Variants in RCAN2 observed in about 807,000 individuals in gnomAD.
The protein encoded by RCAN2 is regulator of calcineurin 2, also known as calcipressin-2.
Under a neutral mutation model 23.6 loss-of-function variants are expected in RCAN2, and 9 were observed. That is an observed-to-expected ratio of 0.38 (90% CI 0.23 to 0.67). The LOEUF (loss-of-function observed/expected upper bound fraction) is 0.67, where lower values mean the gene tolerates loss of function less well. RCAN2 is among the 30% of genes least tolerant of loss of function. The pLI, the probability that RCAN2 is intolerant of heterozygous loss-of-function variation, is 0.51. For synonymous variants in RCAN2, 109 were observed against 115.7 expected (o/e 0.94, Z 0.37); for missense variants, 273 against 302.3 (o/e 0.90, Z 0.72).
At chr6:46,419,425 C>A (rs1766807496) in intron 2 of RCAN2, among the ~76,000 whole-genome samples, 1 of 152,108 alleles carries the variant, frequency 6.6e-6, no homozygotes, top group Admixed American at 6.6e-5. Flanking sequence ...ACACAGAGTA[C>A]CGGAGTTTGG....
intron 1 of RCAN2, among the ~76,000 whole-genome samples, chr6:46,487,863 G>A (rs908188113): frequency 1.3e-5 from 2 of 152,200 alleles, no homozygotes; most frequent in African/African-American, 4.8e-5. Flanking sequence ...AGACAGGTAC[G>A]ACCTTAACCC....
At chr6:46,292,854 T>C (rs1423475480) in intron 2 of RCAN2, among the ~76,000 whole-genome samples, 2 of 152,182 alleles carry the variant, frequency 1.3e-5, no homozygotes, top group Admixed American at 6.5e-5. Context: ...GTATTTCTCC[T>C]AACGCTATCC....
Position 46,246,056 on chromosome 6 carries a change from G to T in RCAN2, c.571+692C>A, listed in dbSNP as rs1030873370. Among the ~76,000 whole-genome samples, 3 of 152,212 alleles carry T rather than the reference G, an allele frequency of 2.0e-5. No individual in the cohort carries two copies. In the South Asian group the frequency reaches 6.2e-4, roughly 32 times the overall value. ...AGAAACTTTTGGACAAGTGCATAGA[G>T]ATGTACAAGAATGTTAACTGTTACT... On this transcript the variant is annotated intron_variant, in intron 4 of 4. Transcript: ENST00000371374.
chr6:46,388,578 G>A (rs1439280968), intron 2 of RCAN2, among the ~76,000 whole-genome samples: 2 of 152,268 alleles, frequency 1.3e-5, no homozygotes, highest in Middle Eastern at 3.4e-3. Context: ...ACTGGATAAA[G>A]AAAATGTGGT....
intron 2 of RCAN2, among the ~76,000 whole-genome samples, chr6:46,407,977 G>T (rs943079264): frequency 3.9e-5 from 6 of 152,156 alleles, no homozygotes; most frequent in African/African-American, 1.4e-4. Context: ...TTGTCCATCT[G>T]GAAAACAGCA....
At chr6:46,262,575 G>A (rs1767146179) in intron 2 of RCAN2, among the ~76,000 whole-genome samples, 1 of 93,134 alleles carries the variant, frequency 1.1e-5, no homozygotes, top group African/African-American at 4.3e-5. Flanking sequence ...TGGCAATATA[G>A]TGAGCCTCTG....
At chr6:46,336,640 G>A (rs1764154478) in intron 2 of RCAN2, among the ~76,000 whole-genome samples, 2 of 152,192 alleles carry the variant, frequency 1.3e-5, no homozygotes, top group Admixed American at 6.5e-5. Flanking sequence ...GCATAGCTGA[G>A]GACTTTGAGT....
At position 46,248,743 on chromosome 6, in the gene RCAN2, A is replaced by T; in HGVS notation, c.379T>A (p.Leu127Ile). The change falls in exon 3 of 5, where the codon TTA becomes ATA. Residue 127 changes from leucine to isoleucine, a missense_variant. Transcript: ENST00000371374. The stretch of plus-strand genomic sequence containing the variant: ...CTTACCTGTGCAAAGTAGAGCTTTA[A>T]TTTTTTCCCTCTGAATTGGGTTTCA... ...LHETQFRGKK[L>I]KLYFAQVQTP... 6.2e-7 allele frequency: 1 copy of T among 1,610,158 alleles called. No homozygotes were observed. The highest frequency in any genetic ancestry group is 1.7e-4 in the Middle Eastern group (1 of 6,032).
rs1000706214 is a variant in RCAN2, at chr6:46,310,385, A to C, written c.226-61489T>G. The stretch of plus-strand genomic sequence containing the variant: ...TATTTTACTTCCATGCACAAGAAAG[A>C]ATCTGAAGCTGGAATACCATCAGGA... On this transcript the variant is annotated intron_variant, in intron 2 of 4. Coordinates refer to ENST00000371374, the MANE Select transcript of RCAN2 (RefSeq NM_001251974.2). Among the ~76,000 whole-genome samples the C allele has an allele frequency of 3.3e-5, 5 of 152,162 alleles. No homozygotes were observed. The East Asian group carries it at 9.6e-4, about 29-fold the overall frequency.
In RCAN2 at chr6:46,307,138, T is replaced by G. The variant is rs150914273; in HGVS notation, c.226-58242A>C. On this transcript the variant is annotated intron_variant, in intron 2 of 4. Transcript: ENST00000371374. ...TATCTATGGAAACAGAATTTTAAATTCATCAATTAAATATTGAGCACTATG... is the reference window on the plus strand; with the variant it reads ...TATCTATGGAAACAGAATTTTAAATGCATCAATTAAATATTGAGCACTATG... Among the ~76,000 whole-genome samples, 1,018 of 152,166 alleles carry G rather than the reference T, an allele frequency of 6.7e-3. 10 individuals carry two copies. Among genetic ancestry groups the G allele is most frequent in the African/African-American group, 0.024 (986 of 41,536 alleles).
chr6:46,249,516 C>T (rs996054589), intron 2 of RCAN2, among the ~76,000 whole-genome samples: 6 of 151,906 alleles, frequency 3.9e-5, no homozygotes, highest in Admixed American at 6.6e-5. Context: ...GATGGGGTTT[C>T]ACCATGCTGG....
At chr6:46,301,468 A>ACATTT (rs1176484950) in intron 2 of RCAN2, among the ~76,000 whole-genome samples, 1 of 152,074 alleles carries the variant, frequency 6.6e-6, no homozygotes, top group Non-Finnish European at 1.5e-5. Flanking sequence ...CTGGCATTTG[A>ACATTT]CATTTCATAA....
intron 2 of RCAN2, among the ~76,000 whole-genome samples, chr6:46,263,541 G>GTGTC (rs60792749): frequency 2.8e-5 from 1 of 36,194 alleles, no homozygotes; most frequent in Non-Finnish European, 9.7e-5. Context: ...GTGTGTGTAT[G>GTGTC]TGTGTGTGTG....
At chr6:46,325,647 C>T (rs758800963) in intron 2 of RCAN2, 31 of 1,416,978 alleles carry the variant, frequency 2.2e-5, no homozygotes, top group Middle Eastern at 2.6e-4. Flanking sequence ...CAGCCCTCCG[C>T]GTCTGAGGCA....
chr6:46,235,277 A>G (rs1368873261), intron 4 of RCAN2, among the ~76,000 whole-genome samples: 1 of 152,194 alleles, frequency 6.6e-6, no homozygotes, highest in East Asian at 1.9e-4. Context: ...TCTTCCTATA[A>G]GTTTAGTGCC....
chr6:46,453,550 G>A (rs1388081528), intron 2 of RCAN2, among the ~76,000 whole-genome samples: 1 of 152,210 alleles, frequency 6.6e-6, no homozygotes, highest in Non-Finnish European at 1.5e-5. Flanking sequence ...TAGGACAGCA[G>A]AAATGAGCAT....
At chr6:46,339,781 T>C (rs371239085) in intron 2 of RCAN2, among the ~76,000 whole-genome samples, 1 of 151,976 alleles carries the variant, frequency 6.6e-6, no homozygotes, top group East Asian at 1.9e-4. Flanking sequence ...TCCGTGAAAA[T>C]AGAATGCAAA....
At chr6:46,482,036 G>A (rs79880297) in intron 1 of RCAN2, among the ~76,000 whole-genome samples, 2 of 152,018 alleles carry the variant, frequency 1.3e-5, no homozygotes, top group East Asian at 3.9e-4. Flanking sequence ...TCAAAGGACT[G>A]GCTGATCCAA....
intron 2 of RCAN2, among the ~76,000 whole-genome samples, chr6:46,315,937 CAAGAAAAGAGGTT>C (rs1763422324): frequency 6.6e-6 from 1 of 151,194 alleles, no homozygotes. Context: ...TTGGAAGAGA[CAAGAAAAGAGGTT>C]TGGAAGAGAC....
Sources: allele counts gnomAD v4.1 joint callset (sites outside exome capture counted in the v4.1 genomes callset), GRCh38; gene constraint gnomAD v4.1.1; transcripts MANE v1.5; gene names NCBI Gene and HGNC (gene_info 2026-07-23, HGNC 2026-07-21).